NR1H4: variants seen among roughly 807,000 people sequenced by gnomAD.
The protein encoded by NR1H4 is nuclear receptor subfamily 1 group H member 4.
In NR1H4, 23 loss-of-function variants were observed where a neutral mutation model predicts 58.5. That is an observed-to-expected ratio of 0.39 (90% CI 0.28 to 0.56). NR1H4 has a LOEUF of 0.56. Among genes scored for constraint, NR1H4 ranks in the 20% least tolerant of loss-of-function variants. The pLI is 0.58. For missense variants in NR1H4, 487 were observed against 576.9 expected (o/e 0.84, Z 1.60); for synonymous variants, 214 against 198.0 (o/e 1.08, Z -0.68).
rs201788327 is a variant in NR1H4, at chr12:100,483,876, C to T, written c.-189-8627C>T. Among the ~76,000 whole-genome samples the T allele has an allele frequency of 6.0e-5, 9 of 149,958 alleles. No homozygotes were observed. The East Asian group carries it at 1.4e-3, about 23-fold the overall frequency. On this transcript the variant is annotated intron_variant, in intron 1 of 10. Coordinates refer to ENST00000392986, the MANE Select transcript of NR1H4 (RefSeq NM_001206979.2). The stretch of plus-strand genomic sequence containing the variant: ...GTGCATGCCTGTAATCCCAACTACT[C>T]GGGAGGCTGAGGCAGGAGAATCACT...
intron 3 of NR1H4, among the ~76,000 whole-genome samples, chr12:100,509,792 T>TA (rs968889778): frequency 6.6e-6 from 1 of 151,986 alleles, no homozygotes; most frequent in East Asian, 1.9e-4. Context: ...CTACAAACAG[T>TA]AAAAAAAATT....
chr12:100,510,088 C>T (rs1009072932), intron 3 of NR1H4, among the ~76,000 whole-genome samples: 1 of 152,170 alleles, frequency 6.6e-6, no homozygotes, highest in African/African-American at 2.4e-5. Flanking sequence ...ATGGATGTAA[C>T]AAATTTATTG....
At chr12:100,556,401 AGTTT>A (rs1170073174) in intron 9 of NR1H4, among the ~76,000 whole-genome samples, 1 of 145,168 alleles carries the variant, frequency 6.9e-6, no homozygotes, top group Non-Finnish European at 1.5e-5. Flanking sequence ...TGGGAGGCGG[AGTTT>A]GCGGTGAGCC....
chr12:100,515,098 C>T (rs563281009), intron 4 of NR1H4, among the ~76,000 whole-genome samples: 60 of 151,468 alleles, frequency 4.0e-4, no homozygotes, highest in African/African-American at 1.4e-3. Context: ...TCCAGAGCTC[C>T]ATTTGGCCAT....
rs1953584403 is a variant in NR1H4, at chr12:100,490,565, G to T, written c.-189-1938G>T. ...GGAATTTCCTATTCCCAAGATAGGA[G>T]AAACTCTAGAACAATAATTGCCTAA... On this transcript the variant is annotated intron_variant, in intron 1 of 10. Transcript: ENST00000392986. 2.0e-5 allele frequency among the ~76,000 whole-genome samples: 3 copies of T among 152,102 alleles called. No individual in the cohort carries two copies. In the South Asian group the frequency reaches 6.2e-4, roughly 32 times the overall value.
At chr12:100,515,908 A>G (rs1010395626) in intron 4 of NR1H4, among the ~76,000 whole-genome samples, 3 of 152,246 alleles carry the variant, frequency 2.0e-5, no homozygotes, top group African/African-American at 7.2e-5. Context: ...CTGGACCAGC[A>G]GTATCAGTAT....
intron 1 of NR1H4, among the ~76,000 whole-genome samples, chr12:100,482,972 C>T (rs891307065): frequency 7.0e-4 from 107 of 152,198 alleles, no homozygotes; most frequent in Admixed American, 5.2e-3. Context: ...TGTCACAAGA[C>T]TGGAGTGTAG....
At chr12:100,560,630 G>A (rs1470796849) in intron 9 of NR1H4, among the ~76,000 whole-genome samples, 2 of 152,188 alleles carry the variant, frequency 1.3e-5, no homozygotes, top group Non-Finnish European at 2.9e-5. Flanking sequence ...CTTAAGAGCT[G>A]TAACACCGCG....
chr12:100,512,399 T>C (rs1370109047), intron 4 of NR1H4, among the ~76,000 whole-genome samples: 1 of 152,184 alleles, frequency 6.6e-6, no homozygotes, highest in Non-Finnish European at 1.5e-5. Flanking sequence ...CCCAGCACTT[T>C]GGGAGACCAA....
chr12:100,496,844 A>G (rs1004469511), intron 3 of NR1H4, among the ~76,000 whole-genome samples: 5 of 152,192 alleles, frequency 3.3e-5, no homozygotes, highest in African/African-American at 4.8e-5. Flanking sequence ...GGTCCTGGAG[A>G]CAATAATGAC....
rs1954827791 is a variant in NR1H4 at position 100,536,949 on chromosome 12, TAAA to T, written c.835_837del (p.Lys279del). ...ATTGGTTTTTTTCTTAAAATTTAGT[TAAA>T]AGAAGAATTCAGTGCAGAAGAAAAT... On this transcript the variant is annotated inframe_deletion and splice_region_variant, in exon 8 of 11. Coordinates refer to ENST00000392986, the MANE Select transcript of NR1H4 (RefSeq NM_001206979.2). 1.3e-6 allele frequency: 2 copies of T among 1,541,810 alleles called. No individual in the cohort carries two copies. The highest frequency in any genetic ancestry group is 1.4e-5 in the African/African-American group (1 of 72,712).
rs1953720890 is a variant in NR1H4 at position 100,496,641 on chromosome 12, T to C, written c.79+3239T>C. 2.0e-5 allele frequency among the ~76,000 whole-genome samples: 3 copies of C among 152,200 alleles called. No individual in the cohort carries two copies. The South Asian group carries it at 6.2e-4, about 32-fold the overall frequency. On this transcript the variant is annotated intron_variant, in intron 3 of 10. Transcript: ENST00000392986. Reference sequence around the variant, plus strand: ...AATTAAACATTTGAGTCCACAAAAATGCTACTGTTGTCCACGTCAGGAAGT... The same window carrying C: ...AATTAAACATTTGAGTCCACAAAAACGCTACTGTTGTCCACGTCAGGAAGT...
chr12:100,536,453 A>G (rs1167318430), intron 6 of NR1H4, 59 bp from the exon 7 acceptor site: 6 of 986,312 alleles, frequency 6.1e-6, no homozygotes, highest in Non-Finnish European at 9.8e-6. Context: ...GAATGCACAT[A>G]TAGAAAGAAG....
At chr12:100,501,434 A>G (rs1192928318) in intron 3 of NR1H4, among the ~76,000 whole-genome samples, 3 of 152,132 alleles carry the variant, frequency 2.0e-5, no homozygotes, top group African/African-American at 7.2e-5. Flanking sequence ...TTTCTTGGCA[A>G]TTAGGGCAAG....
intron 9 of NR1H4, among the ~76,000 whole-genome samples, chr12:100,544,124 T>C (rs1046958495): frequency 2.4e-4 from 37 of 151,630 alleles, no homozygotes; most frequent in African/African-American, 7.8e-4. Context: ...TGGTGGCGGG[T>C]GCCTGTAGTC....
chr12:100,536,021 A>G (rs909596293), intron 6 of NR1H4, among the ~76,000 whole-genome samples: 2 of 152,126 alleles, frequency 1.3e-5, no homozygotes, highest in African/African-American at 4.8e-5. Flanking sequence ...TTCCAATAAA[A>G]CTTTATAAAA....
chr12:100,495,690 CTG>C (rs1461499876), intron 3 of NR1H4, among the ~76,000 whole-genome samples: 16 of 152,060 alleles, frequency 1.1e-4, no homozygotes, highest in South Asian at 4.2e-4. Flanking sequence ...GATCGCGCCA[CTG>C]CACTCCAGCC....
intron 1 of NR1H4, among the ~76,000 whole-genome samples, chr12:100,488,921 T>A (rs1389956502): frequency 6.6e-6 from 1 of 152,184 alleles, no homozygotes; most frequent in East Asian, 1.9e-4. Context: ...TCAAGGGTCT[T>A]TCAAAGGTTA....
intron 9 of NR1H4, among the ~76,000 whole-genome samples, chr12:100,557,398 A>G (rs960876904): frequency 2.6e-5 from 4 of 152,182 alleles, no homozygotes; most frequent in African/African-American, 7.2e-5. Context: ...GTCTACCCCA[A>G]TGACCCAAAC....
Sources: allele counts gnomAD v4.1 joint callset (sites outside exome capture counted in the v4.1 genomes callset), GRCh38; gene constraint gnomAD v4.1.1; transcripts MANE v1.5; gene names NCBI Gene and HGNC (gene_info 2026-07-23, HGNC 2026-07-21).